The following AP3B1 variants were observed in gnomAD, a reference collection of about 807,000 sequenced individuals.
AP3B1 encodes the protein AP-3 complex subunit beta-1.
A neutral mutation model predicts 132.5 loss-of-function variants in AP3B1; 61 were observed. The ratio of observed to expected loss-of-function variants is 0.46; its 90% confidence interval spans 0.37 to 0.57. AP3B1 has a LOEUF of 0.57. AP3B1 is among the 20% of genes least tolerant of loss of function. The probability of loss-of-function intolerance (pLI) is 0.00; values close to 1 mark genes in which losing one functional copy is unlikely to be tolerated. For synonymous variants in AP3B1, 388 were observed against 438.3 expected (o/e 0.89, Z 1.43); for missense variants, 1,120 against 1,289.4 (o/e 0.87, Z 2.01).
At chr5:78,071,545 T>C (rs1749545139) in intron 22 of AP3B1, among the ~76,000 whole-genome samples, 2 of 152,200 alleles carry the variant, frequency 1.3e-5, no homozygotes, top group African/African-American at 4.8e-5. Flanking sequence ...ATCTTGCACA[T>C]GTATCCTGGA....
intron 22 of AP3B1, chr5:78,041,992 A>G (rs1748110042): frequency 5.1e-6 from 1 of 196,882 alleles, no homozygotes. Flanking sequence ...GGCTGTATAT[A>G]CTAATTCAAA....
intron 22 of AP3B1, among the ~76,000 whole-genome samples, chr5:78,075,281 T>C (rs1284979228): frequency 6.6e-6 from 1 of 152,234 alleles, no homozygotes; most frequent in Non-Finnish European, 1.5e-5. Flanking sequence ...ATAGTTACTA[T>C]TATAATGCAC....
At chr5:78,159,940 A>C (rs1280504596) in intron 13 of AP3B1, among the ~76,000 whole-genome samples, 1 of 152,174 alleles carries the variant, frequency 6.6e-6, no homozygotes, top group East Asian at 1.9e-4. Context: ...CCTAACTTTA[A>C]AAAGTACAGT....
chr5:78,015,665 A>G, intron 25 of AP3B1, 117 bp from the exon 26 acceptor site: 1 of 941,868 alleles, frequency 1.1e-6, no homozygotes, highest in Non-Finnish European at 1.6e-6. Context: ...ACACTACTTT[A>G]GGATGTAATT....
At chr5:78,268,259 A>G (rs986107505) in intron 1 of AP3B1, among the ~76,000 whole-genome samples, 1 of 152,166 alleles carries the variant, frequency 6.6e-6, no homozygotes, top group African/African-American at 2.4e-5. Context: ...AGGGAGAGAA[A>G]TTAATGGAAC....
chr5:78,269,545 T>C (rs1243670138), intron 1 of AP3B1, among the ~76,000 whole-genome samples: 2 of 152,224 alleles, frequency 1.3e-5, no homozygotes, highest in Non-Finnish European at 2.9e-5. Context: ...AGGGCTATTA[T>C]GTAGTGTAAA....
intron 23 of AP3B1, among the ~76,000 whole-genome samples, chr5:78,034,744 G>C (rs1002409922): frequency 1.3e-5 from 2 of 151,810 alleles, no homozygotes; most frequent in African/African-American, 4.8e-5. Flanking sequence ...TATCTCTATA[G>C]GTACTGAAAA....
In AP3B1 at chr5:78,079,051, T is replaced by C. The variant is rs116818259; in HGVS notation, c.2577+10342A>G. ...ATTGCAAAATGCAAGCCTTAAGTAA[T>C]ACAGCTAGTATTCCACCATCTGAAA... On this transcript the variant is annotated intron_variant, in intron 22 of 26. Transcript: ENST00000255194. 2.2e-3 allele frequency among the ~76,000 whole-genome samples: 331 copies of C among 152,338 alleles called. 1 individual carries two copies. The highest frequency in any genetic ancestry group is 7.7e-3 in the African/African-American group (319 of 41,588).
intron 1 of AP3B1, among the ~76,000 whole-genome samples, chr5:78,285,700 A>G (rs1749248261): frequency 6.6e-6 from 1 of 152,090 alleles, no homozygotes; most frequent in Non-Finnish European, 1.5e-5. Context: ...AATATTCTTC[A>G]TTTTAGTTGA....
intron 21 of AP3B1, among the ~76,000 whole-genome samples, chr5:78,092,925 C>T (rs938226702): frequency 4.6e-5 from 7 of 152,192 alleles, no homozygotes; most frequent in Non-Finnish European, 2.9e-5. Flanking sequence ...GCTGGGATTA[C>T]AGGCATGAGC....
intron 7 of AP3B1, among the ~76,000 whole-genome samples, chr5:78,200,648 TCATTAAAAA>T (rs2112450610): frequency 6.6e-6 from 1 of 152,240 alleles, no homozygotes; most frequent in African/African-American, 2.4e-5. Flanking sequence ...AGACCCTGCC[TCATTAAAAA>T]CAACAACAAA....
intron 14 of AP3B1, among the ~76,000 whole-genome samples, chr5:78,152,505 C>T (rs983789442): frequency 9.9e-5 from 15 of 152,106 alleles, no homozygotes; most frequent in African/African-American, 3.4e-4. Flanking sequence ...CTTTGAATTT[C>T]TGCAGTATCA....
intron 3 of AP3B1, among the ~76,000 whole-genome samples, chr5:78,229,191 C>T (rs907977444): frequency 5.3e-5 from 8 of 152,186 alleles, no homozygotes; most frequent in Non-Finnish European, 7.3e-5. Context: ...CCACCTCAGC[C>T]TCCCAAAGCA....
At chr5:78,165,496 T>C (rs1743575531) in intron 12 of AP3B1, 114 bp downstream of exon 12, 1 of 756,032 alleles carries the variant, frequency 1.3e-6, no homozygotes, top group East Asian at 2.7e-5. Flanking sequence ...TTGTCAGTCT[T>C]GTCCCAATCA....
intron 3 of AP3B1, among the ~76,000 whole-genome samples, chr5:78,234,284 A>G (rs1368539208): frequency 1.3e-5 from 2 of 152,228 alleles, no homozygotes; most frequent in African/African-American, 2.4e-5. Flanking sequence ...GTTCCTTTAA[A>G]TGATCACTTG....
At chr5:78,011,667 T>C (rs56710124) in intron 26 of AP3B1, among the ~76,000 whole-genome samples, 5,941 of 152,262 alleles carry the variant, frequency 0.039, 399 homozygotes, top group African/African-American at 0.14. Flanking sequence ...CTATTAAGTG[T>C]TCAATTAAAA....
intron 22 of AP3B1, among the ~76,000 whole-genome samples, chr5:78,078,322 T>C (rs1475054266): frequency 1.3e-5 from 2 of 152,178 alleles, no homozygotes; most frequent in Non-Finnish European, 2.9e-5. Flanking sequence ...AATTCTTCCT[T>C]TGTTCTCTTC....
rs1404463183 is a variant in AP3B1 at position 78,002,501 on chromosome 5, G to A, written c.*401C>T. ...TCATTTTCACATACCAAGCTGAGAG[G>A]CCATTTAGACTATCTCTTTGCTAAT... is the stretch of plus-strand genomic sequence containing the variant. On this transcript the variant is annotated 3_prime_UTR_variant, in exon 27 of 27. Coordinates refer to ENST00000255194, the MANE Select transcript of AP3B1 (RefSeq NM_003664.5). The A allele has an allele frequency of 2.2e-6, 1 of 449,368 alleles. No individual in the cohort carries two copies. Among genetic ancestry groups the A allele is most frequent in the African/African-American group, 2.0e-5 (1 of 50,032 alleles). The allele number at this position is 449,368 out of a possible 1,614,324, so 27.8% of individuals were successfully genotyped here.
chr5:78,293,764 T>G (rs1041668784), intron 1 of AP3B1, among the ~76,000 whole-genome samples: 2 of 152,096 alleles, frequency 1.3e-5, no homozygotes, highest in Non-Finnish European at 2.9e-5. Context: ...CGGTGATACT[T>G]TTTACAAAAC....
Sources: gnomAD v4.1 joint callset for allele counts (sites outside exome capture counted in the v4.1 genomes callset) on GRCh38, gnomAD v4.1.1 for gene constraint, MANE v1.5 for transcripts, NCBI Gene and HGNC (gene_info 2026-07-23, HGNC 2026-07-21) for gene names.